SCEL: variants seen among roughly 807,000 people sequenced by gnomAD.
SCEL encodes sciellin.
Under a neutral mutation model 117.6 loss-of-function variants are expected in SCEL, and 113 were observed. That is an observed-to-expected ratio of 0.96 (90% CI 0.83 to 1.12). The LOEUF is 1.12. Ranked by LOEUF, SCEL falls within the 50% of genes most tolerant of loss-of-function variation. The pLI, the probability that SCEL is intolerant of heterozygous loss-of-function variation, is 0.00. For synonymous variants in SCEL, 270 were observed against 256.2 expected, an observed-to-expected ratio of 1.05 and a Z score of -0.51; for missense variants, 785 against 810.8, an observed-to-expected ratio of 0.97 and a Z score of 0.39.
intron 28 of SCEL, among the ~76,000 whole-genome samples, chr13:77,629,479 G>A (rs979268531): frequency 2.6e-5 from 4 of 151,950 alleles, no homozygotes; most frequent in South Asian, 2.1e-4. Context: ...TAAGAGTCCC[G>A]GGAAAATCTG....
At chr13:77,566,284 C>A (rs184217358) in intron 5 of SCEL, among the ~76,000 whole-genome samples, 121 of 152,216 alleles carry the variant, frequency 7.9e-4, no homozygotes, top group African/African-American at 2.8e-3. Flanking sequence ...GAAAGCCATG[C>A]AATAACTCTG....
chr13:77,625,228 A>G (rs2089669180), intron 27 of SCEL, among the ~76,000 whole-genome samples: 1 of 152,172 alleles, frequency 6.6e-6, no homozygotes, highest in African/African-American at 2.4e-5. Context: ...ACTATCCCCA[A>G]ATATTGAGTA....
At position 77,621,152 on chromosome 13, in the gene SCEL, C is replaced by T. The variant is rs185071530; in HGVS notation, c.1628+3092C>T. 3.3e-5 allele frequency among the ~76,000 whole-genome samples: 5 copies of T among 152,222 alleles called. No individual in the cohort carries two copies. The East Asian group carries it at 9.7e-4, about 29-fold the overall frequency. ...CAATCTCCCCTTCTGCCCTTCAATC[C>T]ATTCGCCACCCTGTAGAGTGATTTT... is the stretch of plus-strand genomic sequence containing the variant. On this transcript the variant is annotated intron_variant, in intron 27 of 32. Coordinates refer to ENST00000349847, the MANE Select transcript of SCEL (RefSeq NM_144777.3).
intron 9 of SCEL, among the ~76,000 whole-genome samples, chr13:77,577,044 G>A (rs1441120962): frequency 2.0e-5 from 3 of 152,078 alleles, no homozygotes; most frequent in Non-Finnish European, 4.4e-5. Flanking sequence ...GGGCTGAGAC[G>A]ATGGGGTTTT....
At chr13:77,550,619 T>G (rs980805943) in intron 1 of SCEL, among the ~76,000 whole-genome samples, 1 of 152,168 alleles carries the variant, frequency 6.6e-6, no homozygotes, top group Non-Finnish European at 1.5e-5. Context: ...TCATACAATG[T>G]GTCCTCTTCC....
intron 2 of SCEL, among the ~76,000 whole-genome samples, 198 bp from the exon 3 acceptor site, chr13:77,556,398 C>T (rs2084658880): frequency 6.6e-6 from 1 of 152,144 alleles, no homozygotes; most frequent in Non-Finnish European, 1.5e-5. Context: ...ACCTGAGCAA[C>T]TTTATGTGTT....
intron 15 of SCEL, chr13:77,600,018 T>C: frequency 2.5e-6 from 1 of 398,464 alleles, no homozygotes; most frequent in Admixed American, 3.9e-5. Context: ...TTCCCCTTCA[T>C]ATCTAAAATG....
At chr13:77,583,602 G>T (rs142210506) in intron 9 of SCEL, among the ~76,000 whole-genome samples, 57 of 152,226 alleles carry the variant, frequency 3.7e-4, no homozygotes, top group Non-Finnish European at 5.7e-4. Context: ...TAATAGATTC[G>T]CAGTGAAAAT....
chr13:77,616,060 GAC>G (rs2089010909), intron 24 of SCEL, among the ~76,000 whole-genome samples: 1 of 150,836 alleles, frequency 6.6e-6, no homozygotes, highest in Non-Finnish European at 1.5e-5. Flanking sequence ...GTCTGTAAAA[GAC>G]AGTATTAGGC....
chr13:77,554,490 G>A (rs1011852924), intron 1 of SCEL, among the ~76,000 whole-genome samples: 1 of 152,170 alleles, frequency 6.6e-6, no homozygotes, highest in Non-Finnish European at 1.5e-5. Context: ...AAAGCAGTGT[G>A]TCTTTCCTAC....
chr13:77,640,751 A>T lies in SCEL; in HGVS notation c.1914A>T (p.Glu638Asp). Residue 638 changes from glutamate to aspartate, a missense_variant, in exon 31 of 33, where the codon GAA becomes GAT. Glu to Asp is a conservative substitution (Grantham distance 45). Transcript: ENST00000349847. The part of the protein sequence containing the change: ...LGVETKMILD[E>D]LQICCHSTCF... ...TAGAAACTAAAATGATTTTAGATGAATTACAAATTTGCTGCCATTCTACTT... is the reference window on the plus strand; with the variant it reads ...TAGAAACTAAAATGATTTTAGATGATTTACAAATTTGCTGCCATTCTACTT... The T allele has an allele frequency of 6.2e-7, 1 of 1,603,166 alleles. No individual in the cohort carries two copies. The highest frequency in any genetic ancestry group is 8.5e-7 in the Non-Finnish European group (1 of 1,172,022).
intron 4 of SCEL, among the ~76,000 whole-genome samples, chr13:77,560,636 G>T (rs2084927292): frequency 6.6e-6 from 1 of 152,158 alleles, no homozygotes; most frequent in Non-Finnish European, 1.5e-5. Flanking sequence ...AAGCAAATTA[G>T]TAGAAAAATT....
Position 77,567,744 on chromosome 13 carries a change from A to C in SCEL, c.355A>C (p.Asn119His). The part of the protein sequence containing the change: ...KANTLDNQLT[N>H]RSMSMFRSLE... ...CAATACCTTGGATAACCAACTAACCAATAGGTACCAGTATCTACTAACTAT... is the reference window on the plus strand; with the variant it reads ...CAATACCTTGGATAACCAACTAACCCATAGGTACCAGTATCTACTAACTAT... Residue 119 changes from asparagine to histidine, a missense_variant, in exon 6 of 33, where the codon AAT becomes CAT. Coordinates refer to ENST00000349847, the MANE Select transcript of SCEL (RefSeq NM_144777.3). 2 of 1,592,034 alleles carry C rather than the reference A, an allele frequency of 1.3e-6. No individual in the cohort carries two copies. The highest frequency in any genetic ancestry group is 1.7e-6 in the Non-Finnish European group (2 of 1,164,034).
At chr13:77,610,143 T>A (rs765371938) in intron 22 of SCEL, 37 bp downstream of exon 22, 1 of 1,476,260 alleles carries the variant, frequency 6.8e-7, no homozygotes, top group African/African-American at 1.4e-5. Flanking sequence ...TCCCCCCTTT[T>A]TTTTTCCTAA....
intron 28 of SCEL, among the ~76,000 whole-genome samples, chr13:77,630,418 T>C (rs2089970561): frequency 6.6e-6 from 1 of 152,190 alleles, no homozygotes; most frequent in Non-Finnish European, 1.5e-5. Flanking sequence ...TTTGTTTATC[T>C]ATTCATCACC....
At chr13:77,581,983 A>G (rs868530427) in intron 9 of SCEL, among the ~76,000 whole-genome samples, 1 of 152,064 alleles carries the variant, frequency 6.6e-6, no homozygotes, top group Non-Finnish European at 1.5e-5. Context: ...AGTATAGGTG[A>G]TAGGGACATG....
chr13:77,606,540 A>C (rs2154402381), intron 19 of SCEL: 1 of 152,308 alleles, frequency 6.6e-6, no homozygotes, highest in African/African-American at 2.4e-5. Context: ...TATTTTTCTC[A>C]GTCACTGGCC....
intron 1 of SCEL, among the ~76,000 whole-genome samples, chr13:77,543,727 G>C (rs1289235602): frequency 6.6e-6 from 1 of 152,138 alleles, no homozygotes; most frequent in Non-Finnish European, 1.5e-5. Context: ...AATTCGCTTA[G>C]GATAATGACC....
At chr13:77,575,922 G>A (rs1169386413) in intron 9 of SCEL, among the ~76,000 whole-genome samples, 4 of 152,122 alleles carry the variant, frequency 2.6e-5, no homozygotes, top group African/African-American at 7.2e-5. Flanking sequence ...CAGAATTTTA[G>A]CTTTATAACT....
Sources: allele counts gnomAD v4.1 joint callset (sites outside exome capture counted in the v4.1 genomes callset), GRCh38; gene constraint gnomAD v4.1.1; transcripts MANE v1.5; gene names NCBI Gene and HGNC (gene_info 2026-07-23, HGNC 2026-07-21).